TNNI3K: variants seen among roughly 807,000 people sequenced by gnomAD.
TNNI3K encodes TNNI3 interacting kinase.
Under a neutral mutation model 114.5 loss-of-function variants are expected in TNNI3K, and 140 were observed. The ratio of observed to expected loss-of-function variants is 1.22; its 90% CI spans 1.07 to 1.41. TNNI3K has a LOEUF of 1.41. TNNI3K is among the 40% of genes most tolerant of loss of function. The pLI, the probability that TNNI3K is intolerant of heterozygous loss-of-function variation, is 0.00. For synonymous variants in TNNI3K, 347 were observed against 347.5 expected, an observed-to-expected ratio of 1.00 and a Z score of 0.02; for missense variants, 1,125 against 1,007.6, an observed-to-expected ratio of 1.12 and a Z score of -1.58.
chr1:74,543,760 T>G (rs75641450), intron 24 of TNNI3K, 146 bp from the exon 25 acceptor site: 4 of 807,556 alleles, frequency 5.0e-6, no homozygotes, highest in Non-Finnish European at 4.1e-6. Context: ...ATGTTGCTTG[T>G]GCTTTGCAAC....
Position 74,343,092 on chromosome 1 carries a change from A to G in TNNI3K, c.845A>G (p.Lys282Arg), listed in dbSNP as rs781642784. 1.2e-6 allele frequency: 2 copies of G among 1,613,508 alleles called. No homozygotes were observed. The highest frequency in any genetic ancestry group is 3.3e-5 in the Admixed American group (2 of 59,788). Residue 282 changes from lysine to arginine, a missense_variant, in exon 9 of 25, where the codon AAA (lysine) becomes AGA (arginine). Transcript: ENST00000326637. ...AAATCTAGGGCATGCTACAATGGCA[A>G]ATTTGAAGTTGCCAAGGAAATCATC... ...TPLHLACYNGKFEVAKEIIQI... is the reference protein window; with the variant it reads ...TPLHLACYNGRFEVAKEIIQI...
At chr1:74,404,117 C>A (rs1036671187) in intron 17 of TNNI3K, among the ~76,000 whole-genome samples, 1 of 152,082 alleles carries the variant, frequency 6.6e-6, no homozygotes, top group Non-Finnish European at 1.5e-5. Context: ...ATGCCTCTCA[C>A]CTAAGAACAA....
intron 4 of TNNI3K, among the ~76,000 whole-genome samples, chr1:74,260,911 A>C (rs971061098): frequency 6.6e-6 from 1 of 152,130 alleles, no homozygotes; most frequent in African/African-American, 2.4e-5. Flanking sequence ...TAATAGCTTA[A>C]GACAAAATCT....
At chr1:74,323,358 C>T (rs1173277275) in intron 5 of TNNI3K, among the ~76,000 whole-genome samples, 2 of 152,104 alleles carry the variant, frequency 1.3e-5, no homozygotes, top group African/African-American at 2.4e-5. Flanking sequence ...CTTCACTGTC[C>T]TTATCTTTAA....
chr1:74,339,477 A>T (rs1450219562), intron 7 of TNNI3K, among the ~76,000 whole-genome samples: 1 of 152,112 alleles, frequency 6.6e-6, no homozygotes, highest in Middle Eastern at 3.2e-3. Flanking sequence ...TTAATTTTAG[A>T]TCTGGACCCT....
chr1:74,375,718 A>G (rs1662871984), intron 17 of TNNI3K: 1 of 411,978 alleles, frequency 2.4e-6, no homozygotes, highest in Non-Finnish European at 5.0e-6. Context: ...CCCCACTTTC[A>G]GACCCCTACC....
intron 20 of TNNI3K, among the ~76,000 whole-genome samples, chr1:74,447,335 C>A (rs574528451): frequency 4.0e-5 from 6 of 150,006 alleles, no homozygotes; most frequent in Admixed American, 6.6e-5. Context: ...TGATTTGGCT[C>A]TCTGTTTGTC....
intron 21 of TNNI3K, chr1:74,472,257 C>G (rs2100740227): frequency 1.4e-6 from 1 of 705,820 alleles, no homozygotes; most frequent in East Asian, 2.7e-5. Context: ...TTACCCCAAC[C>G]AAACAGATGC....
chr1:74,405,031 A>T (rs975653524), intron 17 of TNNI3K, among the ~76,000 whole-genome samples: 1 of 152,216 alleles, frequency 6.6e-6, no homozygotes, highest in African/African-American at 2.4e-5. Flanking sequence ...CATTGAGTGA[A>T]CTGACAATGT....
At chr1:74,238,696 T>C (rs907792007) in intron 2 of TNNI3K, among the ~76,000 whole-genome samples, 4 of 152,158 alleles carry the variant, frequency 2.6e-5, no homozygotes, top group Admixed American at 2.6e-4. Context: ...AAAATGGCTA[T>C]CAAATTTACT....
intron 4 of TNNI3K, among the ~76,000 whole-genome samples, chr1:74,262,836 G>C (rs1655759619): frequency 6.6e-6 from 1 of 152,110 alleles, no homozygotes; most frequent in Admixed American, 6.6e-5. Context: ...ACACCAGACA[G>C]TAGTATTTCC....
chr1:74,254,991 G>A (rs1373095947), intron 4 of TNNI3K, among the ~76,000 whole-genome samples: 1 of 152,064 alleles, frequency 6.6e-6, no homozygotes, highest in Non-Finnish European at 1.5e-5. Context: ...GCAAAATTAG[G>A]AATGCCTTTG....
At chr1:74,278,009 C>T (rs1570408494) in intron 5 of TNNI3K, among the ~76,000 whole-genome samples, 1 of 152,138 alleles carries the variant, frequency 6.6e-6, no homozygotes, top group East Asian at 1.9e-4. Flanking sequence ...CCAAATGTTT[C>T]AGTAGAGAAT....
chr1:74,421,265 C>T (rs1254990370), intron 17 of TNNI3K, among the ~76,000 whole-genome samples: 2 of 152,098 alleles, frequency 1.3e-5, no homozygotes, highest in South Asian at 2.1e-4. Flanking sequence ...CTTCTAATTG[C>T]GAAGATTTAA....
At chr1:74,260,477 T>C (rs991132979) in intron 4 of TNNI3K, among the ~76,000 whole-genome samples, 2 of 152,308 alleles carry the variant, frequency 1.3e-5, no homozygotes, top group African/African-American at 4.8e-5. Context: ...AATTGAGTTT[T>C]CCTTATGCTC....
chr1:74,482,442 G>A (rs543338440), intron 21 of TNNI3K, among the ~76,000 whole-genome samples: 71 of 152,302 alleles, frequency 4.7e-4, no homozygotes, highest in African/African-American at 1.6e-3. Context: ...GATGGTGAGA[G>A]TTTAGTGTTA....
intron 17 of TNNI3K, among the ~76,000 whole-genome samples, chr1:74,414,948 A>G (rs1665049115): frequency 6.6e-6 from 1 of 152,212 alleles, no homozygotes; most frequent in Non-Finnish European, 1.5e-5. Context: ...TGTTACTCCT[A>G]CACTCAAAAC....
chr1:74,428,070 T>C (rs543699830), intron 17 of TNNI3K, among the ~76,000 whole-genome samples: 1 of 152,186 alleles, frequency 6.6e-6, no homozygotes, highest in East Asian at 1.9e-4. Flanking sequence ...TCAAATATAC[T>C]TCTACTGACA....
At chr1:74,391,968 T>TA (rs1242282715) in intron 17 of TNNI3K, among the ~76,000 whole-genome samples, 5 of 140,962 alleles carry the variant, frequency 3.5e-5, no homozygotes, top group Non-Finnish European at 7.7e-5. Flanking sequence ...TTTTTTTTTT[T>TA]TTTTTTTTTT....
Sources: gnomAD v4.1 joint callset for allele counts (sites outside exome capture counted in the v4.1 genomes callset) on GRCh38, gnomAD v4.1.1 for gene constraint, MANE v1.5 for transcripts, NCBI Gene and HGNC (gene_info 2026-07-23, HGNC 2026-07-21) for gene names.